SUGCT: variants seen among roughly 807,000 people sequenced by gnomAD.
SUGCT encodes the protein succinyl-CoA:glutarate CoA-transferase.
In SUGCT, 41 loss-of-function variants were observed where a neutral mutation model predicts 55.0. The ratio of observed to expected loss-of-function variants is 0.74; its 90% CI spans 0.58 to 0.97. SUGCT has a LOEUF of 0.97. Among genes scored for constraint, SUGCT ranks in the 50% least tolerant of loss-of-function variants. The pLI is 0.00. For synonymous variants in SUGCT, 187 were observed against 200.4 expected, an observed-to-expected ratio of 0.93 and a Z score of 0.56; for missense variants, 568 against 547.8, an observed-to-expected ratio of 1.04 and a Z score of -0.37.
intron 13 of SUGCT, among the ~76,000 whole-genome samples, chr7:40,809,946 G>A (rs182548276): frequency 9.5e-4 from 144 of 152,134 alleles, no homozygotes; most frequent in Non-Finnish European, 1.7e-3. Flanking sequence ...ATGTTGCTGC[G>A]AAGTACATGA....
At position 40,633,020 on chromosome 7, in the gene SUGCT, C is replaced by G. The variant is rs1222365917; in HGVS notation, c.1090-116414C>G. Among the ~76,000 whole-genome samples, 6 of 152,164 alleles carry G rather than the reference C, an allele frequency of 3.9e-5. No homozygotes were observed. In the South Asian group the frequency reaches 1.2e-3, roughly 32 times the overall value. On this transcript the variant is annotated intron_variant, in intron 12 of 13. Transcript: ENST00000335693. ...TTCATTATACACATATTTATGGGAA[C>G]ACAATATGTGCAAGGCACTATCCCT... is the stretch of plus-strand genomic sequence containing the variant.
At chr7:40,483,193 G>T (rs1022726673) in intron 11 of SUGCT, among the ~76,000 whole-genome samples, 1 of 152,112 alleles carries the variant, frequency 6.6e-6, no homozygotes, top group South Asian at 2.1e-4. Flanking sequence ...TTGTAGACTC[G>T]AGGCTGGATC....
At chr7:40,597,162 T>A (rs904211658) in intron 12 of SUGCT, among the ~76,000 whole-genome samples, 1 of 152,198 alleles carries the variant, frequency 6.6e-6, no homozygotes, top group Admixed American at 6.5e-5. Flanking sequence ...TTCCATCGGA[T>A]TCTGTTTCTC....
chr7:40,592,433 C>T (rs1797779401), intron 12 of SUGCT, among the ~76,000 whole-genome samples: 1 of 152,106 alleles, frequency 6.6e-6, no homozygotes, highest in African/African-American at 2.4e-5. Flanking sequence ...TCTGGGTCTG[C>T]ACGCCCTGAG....
chr7:40,819,991 C>T (rs1337512579), intron 13 of SUGCT, among the ~76,000 whole-genome samples: 2 of 152,180 alleles, frequency 1.3e-5, no homozygotes, highest in East Asian at 3.9e-4. Context: ...AGCCAGTTTT[C>T]CCAGCACCAT....
rs74575814 is a variant in SUGCT at position 40,734,194 on chromosome 7, G to T, written c.1090-15240G>T. 9.0e-3 allele frequency among the ~76,000 whole-genome samples: 1,366 copies of T among 152,312 alleles called. 16 individuals carry two copies. The highest frequency in any genetic ancestry group is 0.031 in the African/African-American group (1,283 of 41,572). ...ATTTTCTCAGACAGCACTTGCACCAGCAGAAGAAATGACAAACTGCTAATG... is the reference window on the plus strand; with the variant it reads ...ATTTTCTCAGACAGCACTTGCACCATCAGAAGAAATGACAAACTGCTAATG... On this transcript the variant is annotated intron_variant, in intron 12 of 13. Coordinates refer to ENST00000335693, the MANE Select transcript of SUGCT (RefSeq NM_001193313.2).
intron 13 of SUGCT, among the ~76,000 whole-genome samples, chr7:40,843,283 G>A (rs1001817242): frequency 1.3e-4 from 20 of 151,938 alleles, no homozygotes; most frequent in Admixed American, 5.9e-4. Flanking sequence ...AGGCCGAGGC[G>A]GGCAGATCAC....
At chr7:40,466,901 G>A (rs923360852) in intron 11 of SUGCT, among the ~76,000 whole-genome samples, 1 of 152,058 alleles carries the variant, frequency 6.6e-6, no homozygotes, top group Non-Finnish European at 1.5e-5. Context: ...TCACAAAGAG[G>A]ATTAAAAACC....
intron 12 of SUGCT, among the ~76,000 whole-genome samples, chr7:40,730,354 G>T (rs2128694686): frequency 6.6e-6 from 1 of 152,100 alleles, no homozygotes; most frequent in East Asian, 1.9e-4. Context: ...TGATCCACCT[G>T]CCTCAGCTTC....
chr7:40,931,569 A>G, the SUGCT span, among the ~76,000 whole-genome samples: 4 of 152,068 alleles, frequency 2.6e-5, no homozygotes, highest in South Asian at 6.2e-4. Flanking sequence ...TTTTTGGTTG[A>G]TAGGCTATTA....
intron 6 of SUGCT, among the ~76,000 whole-genome samples, chr7:40,204,759 C>G (rs1254739077): frequency 6.7e-6 from 1 of 150,310 alleles, no homozygotes; most frequent in Non-Finnish European, 1.5e-5. Flanking sequence ...GACCTCGTCT[C>G]TAGAAAAAAT....
At chr7:40,847,350 C>G (rs925555223) in intron 13 of SUGCT, among the ~76,000 whole-genome samples, 7 of 149,250 alleles carry the variant, frequency 4.7e-5, no homozygotes, top group African/African-American at 7.4e-5. Flanking sequence ...CCGACAGGGT[C>G]TTAAATCAAC....
At chr7:40,580,026 G>A (rs1796992623) in intron 12 of SUGCT, among the ~76,000 whole-genome samples, 1 of 152,064 alleles carries the variant, frequency 6.6e-6, no homozygotes, top group South Asian at 2.1e-4. Context: ...GACACTGTGA[G>A]GAAAGAAACC....
At chr7:40,853,788 A>T (rs571969068) in intron 13 of SUGCT, among the ~76,000 whole-genome samples, 2 of 152,356 alleles carry the variant, frequency 1.3e-5, no homozygotes, top group South Asian at 4.1e-4. Flanking sequence ...TCTTCCTTAT[A>T]TAAATTGAAA....
At chr7:40,887,241 AG>A in the SUGCT span, among the ~76,000 whole-genome samples, 12 of 152,216 alleles carry the variant, frequency 7.9e-5, no homozygotes, top group Non-Finnish European at 1.5e-4. Flanking sequence ...GAAGTTACCA[AG>A]GGGAATTTAA....
At chr7:40,747,464 C>G (rs966474683) in intron 12 of SUGCT, among the ~76,000 whole-genome samples, 4 of 152,170 alleles carry the variant, frequency 2.6e-5, no homozygotes, top group African/African-American at 9.7e-5. Context: ...TTATTCCATG[C>G]TCTTTTGCTC....
At chr7:40,387,192 A>C (rs1277159789) in intron 9 of SUGCT, among the ~76,000 whole-genome samples, 1 of 152,188 alleles carries the variant, frequency 6.6e-6, no homozygotes, top group Non-Finnish European at 1.5e-5. Context: ...ATTCGATAGC[A>C]ATAAAACTAT....
chr7:40,886,753 T>C, the SUGCT span, among the ~76,000 whole-genome samples: 1 of 152,192 alleles, frequency 6.6e-6, no homozygotes, highest in Non-Finnish European at 1.5e-5. Context: ...GAGATACCCA[T>C]GTTGGTATGC....
At chr7:40,415,062 A>ATCTATCTATCTATCTG (rs1562760106) in intron 9 of SUGCT, among the ~76,000 whole-genome samples, 9 of 14,796 alleles carry the variant, frequency 6.1e-4, no homozygotes, top group Non-Finnish European at 1.2e-3. Context: ...AAAAAAAAAA[A>ATCTATCTATCTATCTG]TCTATCTATC....
Sources: gnomAD v4.1 joint callset for allele counts (sites outside exome capture counted in the v4.1 genomes callset) on GRCh38, gnomAD v4.1.1 for gene constraint, MANE v1.5 for transcripts, NCBI Gene and HGNC (gene_info 2026-07-23, HGNC 2026-07-21) for gene names.